Variants in FGF14 observed in about 807,000 individuals in gnomAD.
The protein encoded by FGF14 is fibroblast growth factor homologous factor 4.
A neutral mutation model predicts 25.5 loss-of-function variants in FGF14; 5 were observed. The observed-to-expected ratio is 0.20, with a 90% CI of 0.10 to 0.41. The LOEUF is 0.41. FGF14 is among the 10% of genes least tolerant of loss of function. The pLI, the probability that FGF14 is intolerant of heterozygous loss-of-function variation, is 1.00. For missense variants in FGF14, 222 were observed against 320.1 expected (o/e 0.69, Z 2.34); for synonymous variants, 138 against 118.3 (o/e 1.17, Z -1.08).
chr13:101,968,872 T>TA (rs1555330214), intron 1 of FGF14, among the ~76,000 whole-genome samples: 1 of 150,502 alleles, frequency 6.6e-6, no homozygotes, highest in Non-Finnish European at 1.5e-5. Flanking sequence ...TTTTTTTTTT[T>TA]AAATCTGGGC....
chr13:102,378,419 T>C (rs888169713), intron 1 of FGF14, among the ~76,000 whole-genome samples: 2 of 152,200 alleles, frequency 1.3e-5, no homozygotes, highest in Non-Finnish European at 2.9e-5. Flanking sequence ...CCTATGCTAC[T>C]AGCTATAGGT....
intron 1 of FGF14, among the ~76,000 whole-genome samples, chr13:101,968,289 A>T (rs1359912785): frequency 6.6e-6 from 1 of 152,210 alleles, no homozygotes; most frequent in East Asian, 1.9e-4. Context: ...AGTCTAAAAA[A>T]TATTTTTTGC....
At chr13:101,830,145 A>T (rs1248806324) in intron 3 of FGF14, among the ~76,000 whole-genome samples, 2 of 152,106 alleles carry the variant, frequency 1.3e-5, no homozygotes, top group African/African-American at 2.4e-5. Flanking sequence ...CTTTAAATGA[A>T]ACAGTGGCTG....
chr13:102,146,320 T>C (rs903793608), intron 1 of FGF14, among the ~76,000 whole-genome samples: 2 of 151,906 alleles, frequency 1.3e-5, no homozygotes, highest in African/African-American at 4.8e-5. Flanking sequence ...AATTATTTTG[T>C]GGGATGAGCA....
At chr13:101,797,466 T>G (rs561984272) in intron 3 of FGF14, among the ~76,000 whole-genome samples, 7 of 152,176 alleles carry the variant, frequency 4.6e-5, no homozygotes, top group African/African-American at 1.4e-4. Context: ...TCATAAAATA[T>G]CTACAGTATA....
At chr13:101,845,726 C>T (rs1488493777) in intron 3 of FGF14, among the ~76,000 whole-genome samples, 2 of 151,912 alleles carry the variant, frequency 1.3e-5, no homozygotes, top group Non-Finnish European at 2.9e-5. Context: ...CTGTAACATG[C>T]TAGGAGTGTT....
At chr13:102,361,746 T>C (rs1566962424) in intron 1 of FGF14, among the ~76,000 whole-genome samples, 1 of 152,232 alleles carries the variant, frequency 6.6e-6, no homozygotes, top group Non-Finnish European at 1.5e-5. Context: ...TAAAACAACT[T>C]CAGATTTCAC....
chr13:101,844,589 C>T (rs767851454), intron 3 of FGF14, among the ~76,000 whole-genome samples: 81 of 151,982 alleles, frequency 5.3e-4, no homozygotes, highest in Middle Eastern at 3.4e-3. Context: ...ACAGAACCAC[C>T]GATTTTATAA....
intron 1 of FGF14, among the ~76,000 whole-genome samples, chr13:102,071,951 T>A (rs1176476814): frequency 1.3e-5 from 2 of 152,086 alleles, no homozygotes; most frequent in African/African-American, 4.8e-5. Flanking sequence ...AGAACAGCCG[T>A]TCCCCTCCAA....
At chr13:102,086,222 T>C (rs1405289964) in intron 1 of FGF14, among the ~76,000 whole-genome samples, 2 of 152,144 alleles carry the variant, frequency 1.3e-5, no homozygotes, top group Admixed American at 1.3e-4. Context: ...TCCAAATACA[T>C]ATATATGCCC....
rs77107356 is a variant in FGF14 at position 102,100,837 on chromosome 13, C to T, written c.209-225541G>A. 9.2e-5 allele frequency among the ~76,000 whole-genome samples: 14 copies of T among 152,208 alleles called. No individual in the cohort carries two copies. The East Asian group carries it at 1.9e-3, about 21-fold the overall frequency. ...AAGTGAGGCTGGGCACGGTGGCTCA[C>T]GCCTGTAATCCCAACACTTTGGGAG... On this transcript the variant is annotated intron_variant, in intron 1 of 4. Coordinates refer to the FGF14 transcript ENST00000376131.
At chr13:102,135,950 C>T (rs538093337) in intron 1 of FGF14, among the ~76,000 whole-genome samples, 1 of 152,146 alleles carries the variant, frequency 6.6e-6, no homozygotes, top group Non-Finnish European at 1.5e-5. Flanking sequence ...GCCACCACGC[C>T]CGGCCCCCGT....
intron 1 of FGF14, among the ~76,000 whole-genome samples, chr13:102,008,933 TAATAAA>T (rs1373171313): frequency 1.3e-5 from 2 of 152,156 alleles, no homozygotes; most frequent in Admixed American, 6.5e-5. Context: ...ATTATATCCT[TAATAAA>T]AATAAAATAT....
chr13:102,307,219 C>T (rs1594800441), intron 1 of FGF14, among the ~76,000 whole-genome samples: 1 of 152,116 alleles, frequency 6.6e-6, no homozygotes, highest in African/African-American at 2.4e-5. Context: ...CCATATGGAA[C>T]CTAACTTTTC....
At chr13:102,165,792 C>G (rs1464449406) in intron 1 of FGF14, among the ~76,000 whole-genome samples, 2 of 148,938 alleles carry the variant, frequency 1.3e-5, no homozygotes, top group Non-Finnish European at 3.0e-5. Flanking sequence ...CACATGTACC[C>G]TAAAACTTAA....
chr13:102,285,513 A>G (rs2054052862), intron 1 of FGF14, among the ~76,000 whole-genome samples: 1 of 152,190 alleles, frequency 6.6e-6, no homozygotes, highest in Non-Finnish European at 1.5e-5. Context: ...AATACCACAC[A>G]ATCTCTGCCC....
Position 102,258,628 on chromosome 13 carries a change from C to T in FGF14, c.208+142843G>A, listed in dbSNP as rs545690185. Among the ~76,000 whole-genome samples the T allele has an allele frequency of 1.2e-3, 177 of 152,218 alleles. 2 individuals carry two copies. The highest frequency in any genetic ancestry group is 3.8e-3 in the African/African-American group (156 of 41,518). ...TGGCAGCAGATGGCAGCAGATGGGT[C>T]GCTCCACCATCCCTGAGCCCAAGCT... is the stretch of plus-strand genomic sequence containing the variant. On this transcript the variant is annotated intron_variant, in intron 1 of 4. Transcript: ENST00000376131.
At chr13:102,329,936 A>T (rs1429867237) in intron 1 of FGF14, among the ~76,000 whole-genome samples, 2 of 151,970 alleles carry the variant, frequency 1.3e-5, no homozygotes, top group Non-Finnish European at 2.9e-5. Flanking sequence ...TTAAACCTAA[A>T]TTTTCACCAA....
intron 1 of FGF14, among the ~76,000 whole-genome samples, chr13:102,216,962 T>C (rs993463481): frequency 6.6e-5 from 10 of 152,316 alleles, no homozygotes; most frequent in Middle Eastern, 3.4e-3. Flanking sequence ...CCAAGGTTCA[T>C]TCATGTTGCC....
Sources: gnomAD v4.1 joint callset for allele counts (sites outside exome capture counted in the v4.1 genomes callset) on GRCh38, gnomAD v4.1.1 for gene constraint, MANE v1.5 for transcripts, NCBI Gene and HGNC (gene_info 2026-07-23, HGNC 2026-07-21) for gene names.